ATXN10: variants seen among roughly 807,000 people sequenced by gnomAD.
ATXN10 encodes the protein ataxin-10.
In ATXN10, 28 loss-of-function variants were observed where a neutral mutation model predicts 52.9. The observed-to-expected ratio is 0.53, with a 90% CI of 0.39 to 0.73. ATXN10 has a LOEUF of 0.73. Ranked by LOEUF, ATXN10 falls within the 30% of genes least tolerant of loss-of-function variation. ATXN10 has a pLI of 0.00. For missense variants in ATXN10, 565 were observed against 577.0 expected, an observed-to-expected ratio of 0.98 and a Z score of 0.21; for synonymous variants, 226 against 221.5, an observed-to-expected ratio of 1.02 and a Z score of -0.18.
intron 5 of ATXN10, among the ~76,000 whole-genome samples, chr22:45,709,589 G>A (rs1399877194): frequency 3.9e-5 from 6 of 152,090 alleles, no homozygotes; most frequent in Non-Finnish European, 8.8e-5. Flanking sequence ...CATGGCCCAC[G>A]GCTGGTCCTC....
chr22:45,777,716 C>G (rs1357273329), intron 9 of ATXN10, among the ~76,000 whole-genome samples: 3 of 152,256 alleles, frequency 2.0e-5, no homozygotes, highest in African/African-American at 7.2e-5. Context: ...TTAACTATGT[C>G]TGTGCACTTG....
chr22:45,811,240 A>G (rs541783298), intron 10 of ATXN10, among the ~76,000 whole-genome samples: 1 of 152,204 alleles, frequency 6.6e-6, no homozygotes, highest in African/African-American at 2.4e-5. Context: ...TGTTATCATT[A>G]TGAAGTGACC....
At chr22:45,738,896 T>G in intron 8 of ATXN10, 57 bp downstream of exon 8, 1 of 1,402,252 alleles carries the variant, frequency 7.1e-7, no homozygotes, top group Non-Finnish European at 1.0e-6. Context: ...CTTGTCATAC[T>G]GTAATATAAA....
intron 5 of ATXN10, among the ~76,000 whole-genome samples, chr22:45,704,808 A>C (rs73886495): frequency 0.021 from 3,226 of 152,148 alleles, 127 homozygotes; most frequent in African/African-American, 0.074. Flanking sequence ...ATTCCAATAC[A>C]ATGTTGAGTA....
In ATXN10 at chr22:45,844,235, G is replaced by T; in HGVS notation, c.*564G>T. On this transcript the variant is annotated 3_prime_UTR_variant, in exon 12 of 12. Coordinates refer to ENST00000252934, the MANE Select transcript of ATXN10 (RefSeq NM_013236.4). ...GGGTACTGGGCTGTCTTGTCACTGAGCCCTATCCCTTTGGAATGTGGCAGG... is the reference window on the plus strand; with the variant it reads ...GGGTACTGGGCTGTCTTGTCACTGATCCCTATCCCTTTGGAATGTGGCAGG... The T allele has an allele frequency of 6.2e-6, 1 of 160,458 alleles. No individual in the cohort carries two copies. The highest frequency in any genetic ancestry group is 6.0e-5 in the Admixed American group (1 of 16,700). The allele number at this position is 160,458 out of a possible 1,614,324, so 9.9% of individuals were successfully genotyped here.
At chr22:45,694,940 CAAAAAAAAAAAAA>C (rs748780048) in intron 3 of ATXN10, among the ~76,000 whole-genome samples, 33 of 21,914 alleles carry the variant, frequency 1.5e-3, no homozygotes, top group Non-Finnish European at 3.0e-3. Flanking sequence ...GACTCTGTCT[CAAAAAAAAAAAAA>C]AAAAAAAAAA....
Position 45,690,047 on chromosome 22 carries a change from A to T in ATXN10, c.308+144A>T, listed in dbSNP as rs1923310581. 1 of 823,186 alleles carries T rather than the reference A, an allele frequency of 1.2e-6. No homozygotes were observed. Among genetic ancestry groups the T allele is most frequent in the South Asian group, 1.5e-5 (1 of 67,228 alleles). 51.0% of individuals were successfully genotyped at this position (823,186 alleles called of 1,614,324 possible). ...CAGCATTTTGGGAGGCTGAGGCAGG[A>T]GGATTGCTTGAGTCCAGGAGTTCAA... is the stretch of plus-strand genomic sequence containing the variant. On this transcript the variant is annotated intron_variant, in intron 2 of 11. Transcript: ENST00000252934. This position sits in a 1 kb window ranked among gnomAD's most constrained non-coding sequence, Gnocchi z 4.5.
chr22:45,783,378 C>T lies in ATXN10; in HGVS notation c.1174-23581C>T, dbSNP rs1332243304. The stretch of plus-strand genomic sequence containing the variant: ...CTTAATAGTTTCAGACCACGGGTAA[C>T]TGAAAATTGCAAAACGTGAATCCTT... On this transcript the variant is annotated intron_variant, in intron 9 of 11. Transcript: ENST00000252934. The surrounding 1 kb of genome is among the most constrained non-coding windows in gnomAD (Gnocchi z 5.0). Among the ~76,000 whole-genome samples, 3 of 152,232 alleles carry T rather than the reference C, an allele frequency of 2.0e-5. No individual in the cohort carries two copies. Among genetic ancestry groups the T allele is most frequent in the Non-Finnish European group, 4.4e-5 (3 of 68,050 alleles).
intron 9 of ATXN10, among the ~76,000 whole-genome samples, chr22:45,742,197 A>G (rs1333231855): frequency 3.3e-5 from 5 of 152,082 alleles, no homozygotes; most frequent in Non-Finnish European, 5.9e-5. Flanking sequence ...AAAAAAAAAA[A>G]TCAACACTCT....
rs940756691 is a variant in ATXN10, at chr22:45,763,984, G to C, written c.1173+23446G>C. Among the ~76,000 whole-genome samples, 2 of 151,864 alleles carry C rather than the reference G, an allele frequency of 1.3e-5. No individual in the cohort carries two copies. The highest frequency in any genetic ancestry group is 1.3e-4 in the Admixed American group (2 of 15,242). On this transcript the variant is annotated intron_variant, in intron 9 of 11. Coordinates refer to ENST00000252934, the MANE Select transcript of ATXN10 (RefSeq NM_013236.4). This position sits in a 1 kb window ranked among gnomAD's most constrained non-coding sequence, Gnocchi z 6.9. ...GAGAAAATTATAATACCTGACTTGT[G>C]AGTTCCATTCCAGAATTCGGCCAGC... is the stretch of plus-strand genomic sequence containing the variant.
chr22:45,793,665 C>A, intron 9 of ATXN10: 1 of 1,421,938 alleles, frequency 7.0e-7, no homozygotes, highest in Non-Finnish European at 9.3e-7. Context: ...GCAGGTGCCA[C>A]AGCATCTCAA....
intron 9 of ATXN10, among the ~76,000 whole-genome samples, chr22:45,804,191 A>G (rs1928023456): frequency 1.3e-5 from 2 of 152,242 alleles, no homozygotes; most frequent in South Asian, 4.2e-4. Context: ...TGGTCTCCAG[A>G]CCTCACCTTG....
chr22:45,771,083 C>T (rs569521619), intron 9 of ATXN10, among the ~76,000 whole-genome samples: 12 of 152,312 alleles, frequency 7.9e-5, no homozygotes, highest in Admixed American at 3.3e-4. Context: ...ACCCTGCAGT[C>T]GCATTCCTAA....
chr22:45,751,906 A>G (rs1925991445), intron 9 of ATXN10, among the ~76,000 whole-genome samples: 2 of 148,392 alleles, frequency 1.3e-5, no homozygotes, highest in African/African-American at 5.0e-5. Context: ...TTATGTTCCT[A>G]TAAAAGACTT....
At chr22:45,794,308 T>C (rs1030711252) in intron 9 of ATXN10, among the ~76,000 whole-genome samples, 1 of 151,994 alleles carries the variant, frequency 6.6e-6, no homozygotes, top group African/African-American at 2.4e-5. Context: ...TTGATTTTTT[T>C]CTGTCAATTT....
rs138723392 is a variant in ATXN10, at chr22:45,740,459, A to G, written c.1094A>G (p.Asn365Ser). ...GTGAGAGCAGAAGGTGACATCTCCA[A>G]TGTGGCCAATGGGTTTAAGTCTCAT... The part of the protein sequence containing the change: ...GCVRAEGDIS[N>S]VANGFKSHLI... The change falls in exon 9 of 12, where the codon AAT becomes AGT. Residue 365 changes from asparagine (N) to serine (S), a missense_variant. By Grantham distance (46) the Asn-to-Ser change is conservative. Transcript: ENST00000252934. The G allele has an allele frequency of 8.1e-6, 13 of 1,613,828 alleles. No homozygotes were observed. Among genetic ancestry groups the G allele is most frequent in the African/African-American group, 6.7e-5 (5 of 74,870 alleles).
In ATXN10 at chr22:45,843,302, G is replaced by T; in HGVS notation, c.1425+124G>T. On this transcript the variant is annotated intron_variant, in intron 11 of 11. Transcript: ENST00000252934. This position sits in a 1 kb window ranked among gnomAD's most constrained non-coding sequence, Gnocchi z 4.5. The stretch of plus-strand genomic sequence containing the variant: ...ATGGGAGAATTGTGCCCTCTATAGT[G>T]GTTTACCGAGGAAAGCCCTAAAGAT... 9.1e-7 allele frequency: 1 copy of T among 1,104,818 alleles called. No homozygotes were observed. The highest frequency in any genetic ancestry group is 1.3e-6 in the Non-Finnish European group (1 of 747,624). 68.4% of individuals were successfully genotyped at this position (1,104,818 alleles called of 1,614,324 possible). A position where few individuals can be genotyped will look rare whatever the true frequency, so the allele number is the denominator to read the frequency against.
At position 45,684,411 on chromosome 22, in the gene ATXN10, G is replaced by C. The variant is rs1222074760; in HGVS notation, c.117-5301G>C. 6.6e-6 allele frequency among the ~76,000 whole-genome samples: 1 copy of C among 152,106 alleles called. No homozygotes were observed. Among genetic ancestry groups the C allele is most frequent in the Non-Finnish European group, 1.5e-5 (1 of 68,032 alleles). Reference sequence around the variant, plus strand: ...TTTAAAGCAGGGGTTGCCAGACCATGGCCAGATCTGGCCTACTACCTGTTT... The same window carrying C: ...TTTAAAGCAGGGGTTGCCAGACCATCGCCAGATCTGGCCTACTACCTGTTT... On this transcript the variant is annotated intron_variant, in intron 1 of 11. Coordinates refer to ENST00000252934, the MANE Select transcript of ATXN10 (RefSeq NM_013236.4). The surrounding 1 kb of genome is among the most constrained non-coding windows in gnomAD (Gnocchi z 4.1).
In ATXN10 at chr22:45,684,085, G is replaced by A. The variant is rs1923034954; in HGVS notation, c.117-5627G>A. 6.6e-6 allele frequency among the ~76,000 whole-genome samples: 1 copy of A among 151,984 alleles called. No homozygotes were observed. Among genetic ancestry groups the A allele is most frequent in the Admixed American group, 6.6e-5 (1 of 15,248 alleles). ...TTCTGCATCAGGCTCCCAAGTAGCTGGGACTACGAGGCACAGACCATCAAG... is the reference window on the plus strand; with the variant it reads ...TTCTGCATCAGGCTCCCAAGTAGCTAGGACTACGAGGCACAGACCATCAAG... On this transcript the variant is annotated intron_variant, in intron 1 of 11. Coordinates refer to ENST00000252934, the MANE Select transcript of ATXN10 (RefSeq NM_013236.4). The surrounding 1 kb of genome is among the most constrained non-coding windows in gnomAD (Gnocchi z 4.1).
Sources: allele counts gnomAD v4.1 joint callset (sites outside exome capture counted in the v4.1 genomes callset), GRCh38; gene constraint gnomAD v4.1.1; non-coding constraint Gnocchi (gnomAD v3.1); transcripts MANE v1.5; gene names NCBI Gene and HGNC (gene_info 2026-07-23, HGNC 2026-07-21).